Variants in P2RX7 observed in about 807,000 individuals in gnomAD.
P2RX7 encodes the protein P2X purinoceptor 7.
In P2RX7, 62 loss-of-function variants were observed where a neutral mutation model predicts 71.6. The observed-to-expected ratio is 0.87, with a 90% CI of 0.71 to 1.07. The LOEUF (loss-of-function observed/expected upper bound fraction) is 1.07. P2RX7 is among the 50% of genes least tolerant of loss of function. P2RX7 has a pLI of 0.00. For synonymous variants in P2RX7, 299 were observed against 283.3 expected, an observed-to-expected ratio of 1.06 and a Z score of -0.56; for missense variants, 686 against 748.5, an observed-to-expected ratio of 0.92 and a Z score of 0.97.
At chr12:121,184,220 C>A in intron 12 of P2RX7, 85 bp from the exon 13 acceptor site, 2 of 1,437,722 alleles carry the variant, frequency 1.4e-6, no homozygotes, top group Admixed American at 4.7e-5. Context: ...TAATATTAAA[C>A]GTAACTTTAT....
At chr12:121,141,389 C>T (rs1052167059) in intron 1 of P2RX7, among the ~76,000 whole-genome samples, 2 of 152,206 alleles carry the variant, frequency 1.3e-5, no homozygotes, top group East Asian at 1.9e-4. Flanking sequence ...CTCCCAGCCC[C>T]GCTGCATGGG....
chr12:121,180,118 C>T (rs913408327), intron 11 of P2RX7, among the ~76,000 whole-genome samples: 8 of 130,366 alleles, frequency 6.1e-5, no homozygotes, highest in African/African-American at 2.4e-4. Context: ...CATTGCACTC[C>T]AGCCTGGCAA....
rs910360979 is a variant in P2RX7 at position 121,155,495 on chromosome 12, A to G, written c.294+542A>G. 8.6e-6 allele frequency: 8 copies of G among 930,188 alleles called. No individual in the cohort carries two copies. In the East Asian group the frequency reaches 4.3e-4, roughly 50 times the overall value. The allele number at this position is 930,188 out of a possible 1,614,324, so 57.6% of individuals were successfully genotyped here. A position where few individuals can be genotyped will look rare whatever the true frequency, so the allele number is the denominator to read the frequency against. On this transcript the variant is annotated intron_variant, in intron 2 of 12. Coordinates refer to ENST00000328963, the MANE Select transcript of P2RX7 (RefSeq NM_002562.6). ...GAAAATGAAAGCAGAATTGCCAAAA[A>G]AGAGAAATTAAAGTAGGGTTGAGGA...
intron 1 of P2RX7, among the ~76,000 whole-genome samples, chr12:121,139,193 C>T (rs562131499): frequency 8.2e-4 from 125 of 152,320 alleles, no homozygotes; most frequent in African/African-American, 2.8e-3. Context: ...CTGCCCGCCT[C>T]GGCCTGTCAA....
rs1015056228 is a variant in P2RX7 at position 121,184,449 on chromosome 12, T to A, written c.1435T>A (p.Cys479Ser). The A allele has an allele frequency of 5.0e-6, 8 of 1,613,966 alleles. No individual in the cohort carries two copies. In the African/African-American group the frequency reaches 1.1e-4, roughly 22 times the overall value. The change falls in exon 13 of 13, where the codon TGT (cysteine) becomes AGT (serine). Residue 479 changes from cysteine (C) to serine (S), a missense_variant. Cys to Ser is a moderately radical substitution (Grantham distance 112). Transcript: ENST00000328963. ...CAGGGATAGCCCCGTCTGGTGCCAG[T>A]GTGGAAGCTGCCTCCCATCTCAACT... The part of the protein sequence containing the change: ...RSRDSPVWCQ[C>S]GSCLPSQLPE...
At chr12:121,173,857 A>G (rs1882613273) in intron 8 of P2RX7, among the ~76,000 whole-genome samples, 1 of 152,102 alleles carries the variant, frequency 6.6e-6, no homozygotes, top group African/African-American at 2.4e-5. Context: ...CCCTCACAAA[A>G]GCTGGATTGC....
intron 1 of P2RX7, among the ~76,000 whole-genome samples, chr12:121,145,805 C>T (rs908230277): frequency 1.3e-5 from 2 of 152,142 alleles, no homozygotes; most frequent in African/African-American, 4.8e-5. Context: ...CGTACCCGGC[C>T]TGGTGACTCA....
Position 121,167,484 on chromosome 12 carries a change from T to C in P2RX7, c.745-4T>C. Reference sequence around the variant, plus strand: ...ATAGAGACTGTCCCTTGTTGATCCTTCAGGGCGGAATAATGGGCATTGAGA... The same window carrying C: ...ATAGAGACTGTCCCTTGTTGATCCTCCAGGGCGGAATAATGGGCATTGAGA... On this transcript the variant is annotated splice_region_variant and splice_polypyrimidine_tract_variant and intron_variant, in intron 7 of 12. Coordinates refer to ENST00000328963, the MANE Select transcript of P2RX7 (RefSeq NM_002562.6). The C allele has an allele frequency of 6.2e-7, 1 of 1,613,906 alleles. No individual in the cohort carries two copies. The highest frequency in any genetic ancestry group is 8.5e-7 in the Non-Finnish European group (1 of 1,179,896).
chr12:121,180,451 TC>T lies in P2RX7; in HGVS notation c.1289del (p.Pro430GlnfsTer176). 2 of 1,526,268 alleles carry T rather than the reference TC, an allele frequency of 1.3e-6. No individual in the cohort carries two copies. The highest frequency in any genetic ancestry group is 1.8e-6 in the Non-Finnish European group (2 of 1,121,890). 94.5% of individuals were successfully genotyped at this position (1,526,268 alleles called of 1,614,324 possible). A position where few individuals can be genotyped will look rare whatever the true frequency, so the allele number is the denominator to read the frequency against. ...RSLQDVKGQE[V>X]PRPAMDFTDL... ...CTGCAAGATGTCAAGGGCCAAGAAGTCCCAGTAAGTTAAATCATTTTGTCTT... is the reference window on the plus strand; with the variant it reads ...CTGCAAGATGTCAAGGGCCAAGAAGTCCAGTAAGTTAAATCATTTTGTCTT... On this transcript the variant is annotated frameshift_variant, in exon 12 of 13. Coordinates refer to ENST00000328963, the MANE Select transcript of P2RX7 (RefSeq NM_002562.6). LOFTEE classifies it low-confidence loss of function (END_TRUNC).
Position 121,184,380 on chromosome 12 carries a change from C to T in P2RX7, c.1366C>T (p.Pro456Ser), listed in dbSNP as rs199704705. ...TGACACACCCCCGATTCCTGGACAA[C>T]CAGAGGAGATACAGCTGCTTAGAAA... Reference protein sequence around the residue: ...LHDTPPIPGQPEEIQLLRKEA... With the variant: ...LHDTPPIPGQSEEIQLLRKEA... Residue 456 changes from proline to serine, a missense_variant, in exon 13 of 13, where the codon CCA becomes TCA. Pro to Ser is a moderately conservative substitution (Grantham distance 74). Coordinates refer to ENST00000328963, the MANE Select transcript of P2RX7 (RefSeq NM_002562.6). 1 of 1,614,166 alleles carries T rather than the reference C, an allele frequency of 6.2e-7. No individual in the cohort carries two copies. Among genetic ancestry groups the T allele is most frequent in the South Asian group, 1.1e-5 (1 of 91,088 alleles).
chr12:121,147,085 T>C (rs578165648), intron 1 of P2RX7, among the ~76,000 whole-genome samples: 1 of 152,256 alleles, frequency 6.6e-6, no homozygotes, highest in South Asian at 2.1e-4. Flanking sequence ...ACCACAAAAA[T>C]TAATTGTGTG....
In P2RX7 at chr12:121,186,944, ACT is replaced by A. The variant is rs1432530396; in HGVS notation, c.*2145_*2146del. Reference sequence around the variant, plus strand: ...AAAAAGCTGGCTTTATGCCATTAACACTCTGTACTTTGCAGCCAATCAGAACT... The same window carrying A: ...AAAAAGCTGGCTTTATGCCATTAACACTGTACTTTGCAGCCAATCAGAACT... On this transcript the variant is annotated 3_prime_UTR_variant, in exon 13 of 13. Transcript: ENST00000328963. 6.6e-6 allele frequency: 1 copy of A among 152,070 alleles called. No individual in the cohort carries two copies. The highest frequency in any genetic ancestry group is 1.5e-5 in the Non-Finnish European group (1 of 68,014). The allele number at this position is 152,070 out of a possible 1,614,324, so 9.4% of individuals were successfully genotyped here. A position where few individuals can be genotyped will look rare whatever the true frequency, so the allele number is the denominator to read the frequency against.
At chr12:121,160,472 C>A (rs1465100260) in intron 3 of P2RX7, among the ~76,000 whole-genome samples, 1 of 152,066 alleles carries the variant, frequency 6.6e-6, no homozygotes, top group Admixed American at 6.6e-5. Context: ...TCATCACCTA[C>A]AAAGGAAACC....
chr12:121,177,363 C>A lies in P2RX7; in HGVS notation c.1105C>A (p.Pro369Thr), dbSNP rs750167309. ...TAACTGCTGTCGCTCCCATATTTAT[C>A]CCTGGTGCAAGTGCTGTCAGCCCTG... ...SSNCCRSHIY[P>T]WCKCCQPCVV... The change falls in exon 11 of 13, where the codon CCC becomes ACC. Residue 369 changes from proline (P) to threonine (T), a missense_variant. Coordinates refer to ENST00000328963, the MANE Select transcript of P2RX7 (RefSeq NM_002562.6). The A allele has an allele frequency of 5.6e-6, 9 of 1,613,852 alleles. No individual in the cohort carries two copies. The African/African-American group carries it at 1.1e-4, about 19-fold the overall frequency.
intron 3 of P2RX7, among the ~76,000 whole-genome samples, chr12:121,157,761 C>T (rs1165574738): frequency 6.6e-6 from 1 of 152,216 alleles, no homozygotes; most frequent in East Asian, 1.9e-4. Context: ...TGACCTCAGG[C>T]AGGTGACTCT....
intron 11 of P2RX7, among the ~76,000 whole-genome samples, chr12:121,177,687 CATTTATTTATTTATTTATTTATTT>C (rs140201550): frequency 1.2e-3 from 166 of 142,432 alleles, no homozygotes; most frequent in Middle Eastern, 7.1e-3. Context: ...CCAATTTTGT[CATTTATTTATTTATTTATTTATTT>C]ATTTATTTAT....
At chr12:121,156,267 A>C (rs1042494050) in intron 3 of P2RX7, 120 bp downstream of exon 3, 173 of 760,658 alleles carry the variant, frequency 2.3e-4, no homozygotes, top group East Asian at 2.3e-4. Context: ...TCTACTGAGC[A>C]CCTGCCTCTT....
intron 9 of P2RX7, among the ~76,000 whole-genome samples, chr12:121,176,751 CAAAAAAAAAA>C (rs34853051): frequency 1.2e-4 from 8 of 68,776 alleles, no homozygotes; most frequent in African/African-American, 3.8e-4. Flanking sequence ...GACTCTGTCT[CAAAAAAAAAA>C]AAAAAAAAAA....
In P2RX7 at chr12:121,187,906, T is replaced by C. The variant is rs538654099; in HGVS notation, c.*3104T>C. ...TTCTCTTGGCTGATTTCACATAGCATTGGTAATAGACATGCATTTCTCTTT... is the reference window on the plus strand; with the variant it reads ...TTCTCTTGGCTGATTTCACATAGCACTGGTAATAGACATGCATTTCTCTTT... On this transcript the variant is annotated 3_prime_UTR_variant, in exon 13 of 13. Transcript: ENST00000328963. 6.6e-6 allele frequency: 1 copy of C among 152,304 alleles called. No individual in the cohort carries two copies. Among genetic ancestry groups the C allele is most frequent in the African/African-American group, 2.4e-5 (1 of 41,562 alleles). The allele number at this position is 152,304 out of a possible 1,614,324, so 9.4% of individuals were successfully genotyped here. A position where few individuals can be genotyped will look rare whatever the true frequency, so the allele number is the denominator to read the frequency against.
Sources: gnomAD v4.1 joint callset for allele counts (sites outside exome capture counted in the v4.1 genomes callset) on GRCh38, gnomAD v4.1.1 for gene constraint, MANE v1.5 for transcripts, NCBI Gene and HGNC (gene_info 2026-07-23, HGNC 2026-07-21) for gene names.